SNX18: variants seen among roughly 807,000 people sequenced by gnomAD.
The protein encoded by SNX18 is sorting nexin-18.
A neutral mutation model predicts 48.7 loss-of-function variants in SNX18; 35 were observed. That is an observed-to-expected ratio of 0.72 (90% confidence interval 0.55 to 0.95). The LOEUF is 0.95. Among genes scored for constraint, SNX18 ranks in the 40% least tolerant of loss-of-function variants. SNX18 has a pLI of 0.00. For missense variants in SNX18, 824 were observed against 871.0 expected, an observed-to-expected ratio of 0.95 and a Z score of 0.68; for synonymous variants, 492 against 384.7, an observed-to-expected ratio of 1.28 and a Z score of -3.26.
At chr5:54,540,045 G>T (rs912339563) in intron 1 of SNX18, among the ~76,000 whole-genome samples, 1 of 151,858 alleles carries the variant, frequency 6.6e-6, no homozygotes, top group Admixed American at 6.6e-5. Flanking sequence ...CTAAAAATGA[G>T]TCCCAAATTC....
downstream of SNX18, among the ~76,000 whole-genome samples, chr5:54,547,633 CAGA>C (rs1762595810): frequency 6.6e-6 from 1 of 152,168 alleles, no homozygotes; most frequent in Admixed American, 6.5e-5. Context: ...GGTCTCTCAA[CAGA>C]AGGTCTGACT....
At chr5:54,646,411 G>C in the SNX18 span, among the ~76,000 whole-genome samples, 1 of 152,210 alleles carries the variant, frequency 6.6e-6, no homozygotes, top group Non-Finnish European at 1.5e-5. Context: ...CCGTGTTCGT[G>C]GTCTGTCAAC....
At chr5:54,554,829 C>T in the SNX18 span, among the ~76,000 whole-genome samples, 1 of 152,164 alleles carries the variant, frequency 6.6e-6, no homozygotes, top group Non-Finnish European at 1.5e-5. Flanking sequence ...AAAATAATAT[C>T]GAGCAGGGAT....
At chr5:54,574,276 G>C in the SNX18 span, among the ~76,000 whole-genome samples, 1 of 152,226 alleles carries the variant, frequency 6.6e-6, no homozygotes, top group Non-Finnish European at 1.5e-5. Flanking sequence ...TCACAGCATA[G>C]TGGCTGGGCG....
the SNX18 span, among the ~76,000 whole-genome samples, chr5:54,580,404 C>T: frequency 6.6e-6 from 1 of 152,142 alleles, no homozygotes; most frequent in African/African-American, 2.4e-5. Flanking sequence ...CTTGCTCTCT[C>T]ATTTTTTTGT....
At chr5:54,626,749 A>G in the SNX18 span, among the ~76,000 whole-genome samples, 16 of 152,230 alleles carry the variant, frequency 1.1e-4, no homozygotes, top group African/African-American at 3.9e-4. Context: ...ACAACAAATA[A>G]TTCTCCAGTC....
chr5:54,550,533 C>T (rs961094670), downstream of SNX18, among the ~76,000 whole-genome samples: 2 of 152,096 alleles, frequency 1.3e-5, no homozygotes, highest in Non-Finnish European at 2.9e-5. Flanking sequence ...AATATTTGTA[C>T]GCTACCCTTT....
rs35241631 is a variant in SNX18, at chr5:54,519,389, G to A, written c.1437G>A (p.Glu479=). Residue 479 remains glutamate (E), a synonymous_variant, in exon 1 of 2, where the codon GAG becomes GAA. Coordinates refer to ENST00000381410, the MANE Select transcript of SNX18 (RefSeq NM_001102575.2). The part of the protein sequence containing the change: ...QSFRGLSQAF[E]LDQQAFSVGL... ...TCCGCGGCCTCAGCCAGGCCTTTGA[G>A]CTGGACCAGCAGGCCTTCTCGGTGG... is the stretch of plus-strand genomic sequence containing the variant. The A allele has an allele frequency of 0.04, 64,843 of 1,613,652 alleles. 1,452 individuals are homozygous for A. The highest frequency in any genetic ancestry group is 0.054 in the Middle Eastern group (330 of 6,062).
the SNX18 span, among the ~76,000 whole-genome samples, chr5:54,591,344 T>C: frequency 2.6e-5 from 4 of 152,168 alleles, no homozygotes; most frequent in African/African-American, 9.7e-5. Flanking sequence ...ATCTCCTGGC[T>C]AATTTTTAAA....
At chr5:54,554,463 T>C in the SNX18 span, among the ~76,000 whole-genome samples, 22,436 of 152,230 alleles carry the variant, frequency 0.15, 2,099 homozygotes, top group Middle Eastern at 0.28. Flanking sequence ...AGGCTTCTCG[T>C]TCACCAACTC....
chr5:54,517,833 G>C lies in SNX18; in HGVS notation c.-120G>C. The C allele has an allele frequency of 3.6e-6, 4 of 1,117,264 alleles. No homozygotes were observed. Among genetic ancestry groups the C allele is most frequent in the Non-Finnish European group, 3.5e-6 (3 of 858,552 alleles). The allele number at this position is 1,117,264 out of a possible 1,614,324, so 69.2% of individuals were successfully genotyped here. ...GCGACCGGCTGGTCCGGGCAGCGTG[G>C]GTTTGCCGCCTTCGGGGCTCCAGTC... On this transcript the variant is annotated 5_prime_UTR_variant, in exon 1 of 2. Transcript: ENST00000381410.
the SNX18 span, among the ~76,000 whole-genome samples, chr5:54,581,198 C>T: frequency 6.6e-6 from 1 of 152,092 alleles, no homozygotes; most frequent in Non-Finnish European, 1.5e-5. Context: ...TCTTCCATGT[C>T]CTCTCTGTGT....
intron 1 of SNX18, among the ~76,000 whole-genome samples, chr5:54,537,052 G>T (rs2111576499): frequency 6.6e-6 from 1 of 152,294 alleles, no homozygotes; most frequent in East Asian, 1.9e-4. Context: ...TTTTCAGGCT[G>T]GGCGCTGCAG....
In SNX18 at chr5:54,544,627, A is replaced by G; in HGVS notation, c.*1195A>G. 1 of 76,784 alleles carries G rather than the reference A, an allele frequency of 1.3e-5. No individual in the cohort carries two copies. The highest frequency in any genetic ancestry group is 4.6e-5 in the African/African-American group (1 of 21,978). The allele number at this position is 76,784 out of a possible 1,614,324, so 4.8% of individuals were successfully genotyped here. A position where few individuals can be genotyped will look rare whatever the true frequency, so the allele number is the denominator to read the frequency against. The stretch of plus-strand genomic sequence containing the variant: ...ACTATGTTTTAAAAAAAAAAAAGGT[A>G]TTGATGAGCCCCCCCCCCCCAGGAC... On this transcript the variant is annotated 3_prime_UTR_variant, in exon 2 of 2. Coordinates refer to ENST00000381410, the MANE Select transcript of SNX18 (RefSeq NM_001102575.2).
At chr5:54,536,923 T>C (rs1762368316) in intron 1 of SNX18, among the ~76,000 whole-genome samples, 1 of 152,248 alleles carries the variant, frequency 6.6e-6, no homozygotes, top group Non-Finnish European at 1.5e-5. Context: ...ATTGCCATTG[T>C]AACTGGTGTG....
the SNX18 span, among the ~76,000 whole-genome samples, chr5:54,562,051 A>T: frequency 2.6e-5 from 4 of 152,218 alleles, no homozygotes; most frequent in African/African-American, 9.6e-5. Flanking sequence ...TGTGTAGTGA[A>T]GTATTCTAAT....
chr5:54,626,329 CT>C, the SNX18 span, among the ~76,000 whole-genome samples: 48 of 151,248 alleles, frequency 3.2e-4, no homozygotes, highest in Admixed American at 2.8e-3. Flanking sequence ...TTTTCTTCTT[CT>C]TTTTTTTTGA....
chr5:54,633,476 ACCC>A, the SNX18 span, among the ~76,000 whole-genome samples: 1 of 152,028 alleles, frequency 6.6e-6, no homozygotes, highest in African/African-American at 2.4e-5. Context: ...TAAACATAGG[ACCC>A]CACAAGGGAA....
At chr5:54,626,237 T>C in the SNX18 span, among the ~76,000 whole-genome samples, 1 of 152,238 alleles carries the variant, frequency 6.6e-6, no homozygotes, top group Non-Finnish European at 1.5e-5. Context: ...TTTGGTGTGA[T>C]TGGAGTGATG....
Sources: gnomAD v4.1 joint callset for allele counts (sites outside exome capture counted in the v4.1 genomes callset) on GRCh38, gnomAD v4.1.1 for gene constraint, MANE v1.5 for transcripts, NCBI Gene and HGNC (gene_info 2026-07-23, HGNC 2026-07-21) for gene names.